Variants in SMAD2 observed in about 807,000 individuals in gnomAD.
The protein encoded by SMAD2 is MAD homolog 2.
A neutral mutation model predicts 64.4 loss-of-function variants in SMAD2; 8 were observed. The ratio of observed to expected loss-of-function variants is 0.12; its 90% CI spans 0.07 to 0.22. The LOEUF (loss-of-function observed/expected upper bound fraction) is 0.22, where lower values mean the gene tolerates loss of function less well. Among genes scored for constraint, SMAD2 ranks in the 10% least tolerant of loss-of-function variants. The pLI is 1.00. For missense variants in SMAD2, 289 were observed against 561.2 expected (o/e 0.51, Z 4.90); for synonymous variants, 203 against 195.8 (o/e 1.04, Z -0.31).
At chr18:47,902,601 G>A (rs2033729418) in intron 1 of SMAD2, among the ~76,000 whole-genome samples, 1 of 152,190 alleles carries the variant, frequency 6.6e-6, no homozygotes, top group Non-Finnish European at 1.5e-5. Context: ...AAACGTGTCA[G>A]TTATGTATTA....
Position 47,815,657 on chromosome 18 carries a change from T to G in SMAD2, c.*26170A>C, listed in dbSNP as rs1347047221. On this transcript the variant is annotated 3_prime_UTR_variant, in exon 11 of 11. Coordinates refer to ENST00000262160, the MANE Select transcript of SMAD2 (RefSeq NM_005901.6). ...TCTGAGTACAGCACGCAAGGGCAAC[T>G]GCAGCAAATGGAGGGGTGATTTAGT... 6.6e-6 allele frequency: 1 copy of G among 152,216 alleles called. No homozygotes were observed. Among genetic ancestry groups the G allele is most frequent in the Non-Finnish European group, 1.5e-5 (1 of 68,064 alleles). The allele number at this position is 152,216 out of a possible 1,614,324, so 9.4% of individuals were successfully genotyped here.
At chr18:47,871,176 T>C (rs1403722564) in intron 2 of SMAD2, among the ~76,000 whole-genome samples, 1 of 152,176 alleles carries the variant, frequency 6.6e-6, no homozygotes, top group African/African-American at 2.4e-5. Flanking sequence ...CAGAGATAAT[T>C]CTCCCTTTTT....
chr18:47,867,657 C>CAA (rs530649435), intron 5 of SMAD2, among the ~76,000 whole-genome samples: 9 of 94,842 alleles, frequency 9.5e-5, no homozygotes, highest in Admixed American at 7.8e-4. Flanking sequence ...AGTTGTTCTC[C>CAA]AAAAAAAAAA....
chr18:47,866,924 C>T (rs1318732444), intron 5 of SMAD2: 4 of 152,220 alleles, frequency 2.6e-5, no homozygotes, highest in Non-Finnish European at 5.9e-5. Flanking sequence ...ACTAAACATT[C>T]TGGTGAATAG....
intron 6 of SMAD2, among the ~76,000 whole-genome samples, chr18:47,858,479 T>TA (rs2030906311): frequency 6.6e-6 from 1 of 152,150 alleles, no homozygotes; most frequent in African/African-American, 2.4e-5. Context: ...GCCAAACTGG[T>TA]AAATATGTAG....
chr18:47,863,092 T>C (rs2031306203), intron 6 of SMAD2, among the ~76,000 whole-genome samples: 2 of 152,254 alleles, frequency 1.3e-5, no homozygotes, highest in Admixed American at 1.3e-4. Flanking sequence ...TCATTATTTT[T>C]AACAGCAGGT....
At chr18:47,910,498 C>T (rs982734347) in intron 1 of SMAD2, among the ~76,000 whole-genome samples, 1 of 152,176 alleles carries the variant, frequency 6.6e-6, no homozygotes, top group African/African-American at 2.4e-5. Context: ...TGGTACCACA[C>T]AGAAACATTT....
At position 47,817,793 on chromosome 18, in the gene SMAD2, G is replaced by C. The variant is rs948626176; in HGVS notation, c.*24034C>G. 1 of 152,182 alleles carries C rather than the reference G, an allele frequency of 6.6e-6. No homozygotes were observed. The highest frequency in any genetic ancestry group is 1.5e-5 in the Non-Finnish European group (1 of 68,044). 9.4% of individuals were successfully genotyped at this position (152,182 alleles called of 1,614,324 possible). ...CCCTGTTTCTGAACATCTCCCAAGA[G>C]CAAAAATAAACATTCTAAATTTTGG... On this transcript the variant is annotated 3_prime_UTR_variant, in exon 11 of 11. Coordinates refer to ENST00000262160, the MANE Select transcript of SMAD2 (RefSeq NM_005901.6).
At chr18:47,917,448 G>C (rs892317621) in intron 1 of SMAD2, among the ~76,000 whole-genome samples, 2 of 152,078 alleles carry the variant, frequency 1.3e-5, no homozygotes, top group Admixed American at 6.6e-5. Flanking sequence ...TTTAATCTGA[G>C]ATTACATATT....
chr18:47,848,252 C>G (rs936030834), intron 8 of SMAD2, among the ~76,000 whole-genome samples: 10 of 152,138 alleles, frequency 6.6e-5, no homozygotes, highest in Non-Finnish European at 1.2e-4. Context: ...GAAGAACTTT[C>G]CAGTACCAAG....
At chr18:47,851,040 A>T (rs2030009047) in intron 7 of SMAD2, among the ~76,000 whole-genome samples, 1 of 149,902 alleles carries the variant, frequency 6.7e-6, no homozygotes, top group African/African-American at 2.5e-5. Flanking sequence ...TGATTTCAAT[A>T]ATAAATAGAT....
At position 47,834,321 on chromosome 18, in the gene SMAD2, C is replaced by G. The variant is rs1002917051; in HGVS notation, c.*7506G>C. ...GAATTTCTTAAGTTCAAGATATGTA[C>G]TCTCAATGGAGAATCGCTTTTGGGC... On this transcript the variant is annotated 3_prime_UTR_variant, in exon 11 of 11. Transcript: ENST00000262160. 4.8e-6 allele frequency: 1 copy of G among 209,024 alleles called. No homozygotes were observed. The highest frequency in any genetic ancestry group is 9.7e-6 in the Non-Finnish European group (1 of 102,702). 12.9% of individuals were successfully genotyped at this position (209,024 alleles called of 1,614,324 possible).
intron 3 of SMAD2, among the ~76,000 whole-genome samples, chr18:47,870,095 TGTA>T (rs1195941995): frequency 1.9e-5 from 2 of 102,850 alleles, no homozygotes; most frequent in African/African-American, 6.6e-5. Context: ...TCATTAAGTA[TGTA>T]TTTATTAGTA....
chr18:47,906,589 G>C (rs2033912661), intron 1 of SMAD2, among the ~76,000 whole-genome samples: 1 of 152,172 alleles, frequency 6.6e-6, no homozygotes, highest in African/African-American at 2.4e-5. Context: ...GATGTGGAGT[G>C]TATTAGTATA....
intron 1 of SMAD2, among the ~76,000 whole-genome samples, chr18:47,922,840 A>G (rs1410026537): frequency 2.0e-5 from 3 of 152,238 alleles, no homozygotes; most frequent in African/African-American, 7.2e-5. Context: ...TCCAAAGCGT[A>G]AGCTAGTAAG....
intron 6 of SMAD2, among the ~76,000 whole-genome samples, chr18:47,854,782 CCT>C (rs1219367295): frequency 2.0e-5 from 3 of 152,068 alleles, no homozygotes; most frequent in African/African-American, 7.2e-5. Flanking sequence ...TGACCCCTGC[CCT>C]GCTTCCCCAA....
chr18:47,865,911 T>C (rs1226050658), intron 5 of SMAD2, among the ~76,000 whole-genome samples: 1 of 152,220 alleles, frequency 6.6e-6, no homozygotes, highest in Non-Finnish European at 1.5e-5. Context: ...TCAACTGTAA[T>C]TCCAGGGAGG....
At chr18:47,910,579 G>T (rs1451794054) in intron 1 of SMAD2, among the ~76,000 whole-genome samples, 1 of 152,168 alleles carries the variant, frequency 6.6e-6, no homozygotes, top group East Asian at 1.9e-4. Flanking sequence ...GAATGTGCCT[G>T]ACTCCCAGTC....
chr18:47,901,235 C>T (rs115025025), intron 1 of SMAD2, among the ~76,000 whole-genome samples: 205 of 152,214 alleles, frequency 1.3e-3, no homozygotes, highest in African/African-American at 4.8e-3. Context: ...TCTGGTGGAT[C>T]AATCCCCTTA....
Sources: gnomAD v4.1 joint callset for allele counts (sites outside exome capture counted in the v4.1 genomes callset) on GRCh38, gnomAD v4.1.1 for gene constraint, MANE v1.5 for transcripts, NCBI Gene and HGNC (gene_info 2026-07-23, HGNC 2026-07-21) for gene names.